Variants in ZBTB10 observed in about 807,000 individuals in gnomAD.
ZBTB10 encodes the protein zinc finger and BTB domain-containing protein 10.
In ZBTB10, 32 loss-of-function variants were observed where a neutral mutation model predicts 76.4. The observed-to-expected ratio is 0.42, with a 90% CI of 0.32 to 0.56. The LOEUF (loss-of-function observed/expected upper bound fraction) is 0.56, where lower values mean the gene tolerates loss of function less well. Ranked by LOEUF, ZBTB10 falls within the 20% of genes least tolerant of loss-of-function variation. The probability of loss-of-function intolerance (pLI) is 0.14; values close to 1 mark genes in which losing one functional copy is unlikely to be tolerated. For missense variants in ZBTB10, 1,057 were observed against 1,098.5 expected, an observed-to-expected ratio of 0.96 and a Z score of 0.53; for synonymous variants, 523 against 432.9, an observed-to-expected ratio of 1.21 and a Z score of -2.58.
rs569674425 is a variant in ZBTB10, at chr8:80,487,286, C to T, written c.476C>T (p.Ala159Val). Residue 159 changes from alanine to valine, a missense_variant, in exon 1 of 6, where the codon GCG becomes GTG. By Grantham distance (64) the Ala-to-Val change is moderately conservative (BLOSUM62 0). This residue lies in a region of ZBTB10 where 556 missense variants were observed against 451.7 expected (regional missense o/e 1.23). Transcript: ENST00000455036. ...AGGCATTTCAATGGGCGAGGGCCGG[C>T]GACTGTGGATCTGGAGCTGGACGCG... ...PLRHFNGRGP[A>V]TVDLELDALE... The T allele has an allele frequency of 1.3e-6, 2 of 1,549,528 alleles. No homozygotes were observed. The highest frequency in any genetic ancestry group is 2.4e-5 in the South Asian group (2 of 84,058).
chr8:80,517,667 T>C (rs1314770220), intron 3 of ZBTB10, among the ~76,000 whole-genome samples: 1 of 152,086 alleles, frequency 6.6e-6, no homozygotes, highest in African/African-American at 2.4e-5. Flanking sequence ...ATCTTAAAAT[T>C]ATGTGCCTGT....
chr8:80,486,994 G>A lies in ZBTB10; in HGVS notation c.184G>A (p.Gly62Arg), dbSNP rs867301408. ...PPALQPPNGR[G>R]ADEEVELEGL... ...CGCGCTTCAGCCGCCTAATGGGCGG[G>A]GGGCCGACGAGGAAGTGGAATTGGA... The change falls in exon 1 of 6, where the codon GGG (glycine) becomes AGG (arginine). Residue 62 changes from glycine (G) to arginine (R), a missense_variant. Around this residue, in one of 5 missense-constraint regions of ZBTB10, gnomAD observed 556 missense variants for 451.7 expected, o/e 1.23. Coordinates refer to ENST00000455036, the MANE Select transcript of ZBTB10 (RefSeq NM_001105539.3). 4 of 1,514,202 alleles carry A rather than the reference G, an allele frequency of 2.6e-6. No homozygotes were observed. Among genetic ancestry groups the A allele is most frequent in the Non-Finnish European group, 1.8e-6 (2 of 1,136,456 alleles). The allele number at this position is 1,514,202 out of a possible 1,614,324, so 93.8% of individuals were successfully genotyped here.
At chr8:80,494,235 GA>G (rs1341715918) in intron 1 of ZBTB10, among the ~76,000 whole-genome samples, 1 of 152,174 alleles carries the variant, frequency 6.6e-6, no homozygotes, top group Non-Finnish European at 1.5e-5. Context: ...TCAGTTATTG[GA>G]AAAGGGCTGT....
At chr8:80,508,368 A>G (rs957406029) in intron 2 of ZBTB10, among the ~76,000 whole-genome samples, 4 of 152,196 alleles carry the variant, frequency 2.6e-5, no homozygotes, top group Non-Finnish European at 5.9e-5. Flanking sequence ...AAATGTTATA[A>G]CTTTCTGGGA....
chr8:80,509,203 T>TG (rs893003187), intron 2 of ZBTB10, among the ~76,000 whole-genome samples: 16 of 152,166 alleles, frequency 1.1e-4, no homozygotes, highest in East Asian at 7.7e-4. Context: ...TACCTGTTTA[T>TG]GGGGGGGAAA....
intron 2 of ZBTB10, among the ~76,000 whole-genome samples, chr8:80,505,373 A>G (rs1001380422): frequency 2.0e-5 from 3 of 152,218 alleles, no homozygotes; most frequent in Non-Finnish European, 4.4e-5. Flanking sequence ...TTTCTAGTAA[A>G]TGCAGCAGTC....
In ZBTB10 at chr8:80,499,816, C is replaced by G. The variant is rs767059001; in HGVS notation, c.1295C>G (p.Thr432Arg). ...DFLYSGNLVL[T>R]SQNAIEVMTV... ...TTGTATTCTGGTAACCTGGTGCTCA[C>G]AAGCCAAAATGCCATTGAAGTTATG... is the stretch of plus-strand genomic sequence containing the variant. Residue 432 changes from threonine (T) to arginine (R), a missense_variant, in exon 2 of 6, where the codon ACA becomes AGA. Thr to Arg is a moderately conservative substitution (Grantham distance 71). Transcript: ENST00000455036. The G allele has an allele frequency of 6.2e-6, 10 of 1,613,998 alleles. No individual in the cohort carries two copies. The highest frequency in any genetic ancestry group is 5.1e-6 in the Non-Finnish European group (6 of 1,179,872).
chr8:80,502,011 C>T (rs983803797), intron 2 of ZBTB10, among the ~76,000 whole-genome samples: 18 of 152,136 alleles, frequency 1.2e-4, no homozygotes, highest in Admixed American at 5.9e-4. Flanking sequence ...TTGGGTGTAG[C>T]GGTTGTTTGA....
chr8:80,493,230 C>CACAT (rs1815690524), intron 1 of ZBTB10, among the ~76,000 whole-genome samples: 1 of 151,262 alleles, frequency 6.6e-6, no homozygotes, highest in East Asian at 1.9e-4. Context: ...CACACACACA[C>CACAT]ACACACACAC....
intron 3 of ZBTB10, 61 bp from the exon 4 acceptor site, chr8:80,518,342 G>C: frequency 7.0e-7 from 1 of 1,435,072 alleles, no homozygotes; most frequent in Non-Finnish European, 9.3e-7. Flanking sequence ...TCTGTTTTCT[G>C]ACTCTGATGA....
intron 2 of ZBTB10, among the ~76,000 whole-genome samples, chr8:80,506,502 C>T (rs555736739): frequency 1.3e-5 from 2 of 151,036 alleles, no homozygotes; most frequent in South Asian, 2.1e-4. Context: ...TTAGTAGAGA[C>T]GAGACGGGTT....
chr8:80,512,860 C>CTT (rs1816230195), intron 2 of ZBTB10, among the ~76,000 whole-genome samples: 1 of 152,054 alleles, frequency 6.6e-6, no homozygotes, highest in Non-Finnish European at 1.5e-5. Context: ...ACAGACCACT[C>CTT]TTATTTTTTC....
rs1412046712 is a variant in ZBTB10 at position 80,522,291 on chromosome 8, A to G, written c.*2763A>G. On this transcript the variant is annotated 3_prime_UTR_variant, in exon 6 of 6. Coordinates refer to ENST00000455036, the MANE Select transcript of ZBTB10 (RefSeq NM_001105539.3). The stretch of plus-strand genomic sequence containing the variant: ...AAATACTCATAATTTTGTCTGTGGA[A>G]CTCTGGCAGAATTATGTTACACATT... 1.3e-5 allele frequency: 2 copies of G among 151,880 alleles called. No homozygotes were observed. The highest frequency in any genetic ancestry group is 2.4e-5 in the African/African-American group (1 of 41,418). 9.4% of individuals were successfully genotyped at this position (151,880 alleles called of 1,614,324 possible).
At position 80,493,207 on chromosome 8, in the gene ZBTB10, G is replaced by GCGCGCACACA. The variant is rs375071529; in HGVS notation, c.972+5426_972+5427insGCGCACACAC. On this transcript the variant is annotated intron_variant, in intron 1 of 5. Coordinates refer to ENST00000455036, the MANE Select transcript of ZBTB10 (RefSeq NM_001105539.3). ...TGTGCCTCAAAACGCGCGCGCGCGC[G>GCGCGCACACA]CACACACACACACACACACACACAC... is the stretch of plus-strand genomic sequence containing the variant. 4.7e-3 allele frequency among the ~76,000 whole-genome samples: 587 copies of GCGCGCACACA among 125,252 alleles called. 4 individuals are homozygous for GCGCGCACACA. The highest frequency in any genetic ancestry group is 6.2e-3 in the Non-Finnish European group (363 of 58,918). 82.2% of individuals were successfully genotyped at this position (125,252 alleles called of 152,430 possible). A position where few individuals can be genotyped will look rare whatever the true frequency, so the allele number is the denominator to read the frequency against.
chr8:80,518,864 C>T lies in ZBTB10; in HGVS notation c.2220C>T (p.His740=). Residue 740 remains histidine, a synonymous_variant, in exon 5 of 6, where the codon CAC becomes CAT. Coordinates refer to ENST00000455036, the MANE Select transcript of ZBTB10 (RefSeq NM_001105539.3). ...AATACAGACGAACACTAAAAAGGCA[C>T]TTGCTCATTCACACAGGAGTGAGAT... ...VAKYRRTLKR[H]LLIHTGVRSF... 1 of 1,612,256 alleles carries T rather than the reference C, an allele frequency of 6.2e-7. No homozygotes were observed. Among genetic ancestry groups the T allele is most frequent in the Non-Finnish European group, 8.5e-7 (1 of 1,179,110 alleles).
At position 80,487,361 on chromosome 8, in the gene ZBTB10, CCGAGGA is replaced by C; in HGVS notation, c.558_563del (p.Asp186_Glu187del). ...GACGGCGCGTCCCTGAGCGACAGCA[CCGAGGA>C]CGAGGAGGAGGGGGCGAGCCTGGGC... On this transcript the variant is annotated inframe_deletion, in exon 1 of 6. Transcript: ENST00000455036. 2.6e-6 allele frequency: 4 copies of C among 1,528,812 alleles called. No individual in the cohort carries two copies. The highest frequency in any genetic ancestry group is 3.5e-6 in the Non-Finnish European group (4 of 1,134,980). 94.7% of individuals were successfully genotyped at this position (1,528,812 alleles called of 1,614,324 possible). A position where few individuals can be genotyped will look rare whatever the true frequency, so the allele number is the denominator to read the frequency against.
intron 3 of ZBTB10, among the ~76,000 whole-genome samples, chr8:80,516,482 G>A (rs446001): frequency 0.45 from 67,677 of 152,072 alleles, 19,438 homozygotes; most frequent in African/African-American, 0.82. Context: ...TTTGTTTAGA[G>A]ATGTGAAACT....
At chr8:80,486,149 C>A (rs1370520572), upstream of ZBTB10, 7 of 739,166 alleles carry the variant, frequency 9.5e-6, no homozygotes, top group African/African-American at 1.4e-4. Context: ...CCCCCCTCCC[C>A]CAGCCCGGCC....
At chr8:80,509,170 G>C (rs1053034722) in intron 2 of ZBTB10, among the ~76,000 whole-genome samples, 6 of 152,084 alleles carry the variant, frequency 3.9e-5, no homozygotes, top group Admixed American at 3.9e-4. Flanking sequence ...ACTGAAAGGA[G>C]AAAACTGAAG....
Sources: gnomAD v4.1 joint callset for allele counts (sites outside exome capture counted in the v4.1 genomes callset) on GRCh38, gnomAD v4.1.1 for gene constraint, gnomAD v4.1.1 regional missense constraint, MANE v1.5 for transcripts, NCBI Gene and HGNC (gene_info 2026-07-23, HGNC 2026-07-21) for gene names.